Variants in OR51I1 observed in about 807,000 individuals in gnomAD.
OR51I1 encodes the protein olfactory receptor family 51 subfamily I member 1, also known as olfactory receptor 51I1.
OR51I1 carries 5 observed loss-of-function variants against 6.9 expected under a neutral mutation model. The ratio of observed to expected loss-of-function variants is 0.73; its 90% CI spans 0.38 to 1.52. The LOEUF is 1.52. Ranked by LOEUF, OR51I1 falls within the 40% of genes most tolerant of loss-of-function variation. The pLI, the probability that OR51I1 is intolerant of heterozygous loss-of-function variation, is 0.03. For missense variants in OR51I1, 465 were observed against 388.5 expected, an observed-to-expected ratio of 1.20 and a Z score of -1.66; for synonymous variants, 183 against 140.3, an observed-to-expected ratio of 1.30 and a Z score of -2.15.
Position 5,440,891 on chromosome 11 carries a change from G to C in OR51I1, c.624C>G (p.Thr208=), listed in dbSNP as rs148879846. Residue 208 remains threonine, a synonymous_variant, in exon 1 of 1, where the codon ACC becomes ACG. Transcript: ENST00000380211. ...NIYGLLVIIF[T]YGMDSTFILL... ...GGATGAAAGTTGAGTCCATACCATAGGTAAAAATGATCACCAAGAGCCCAT... is the reference window on the plus strand; with the variant it reads ...GGATGAAAGTTGAGTCCATACCATACGTAAAAATGATCACCAAGAGCCCAT... 1.1e-5 allele frequency: 17 copies of C among 1,613,576 alleles called. No homozygotes were observed. The African/African-American group carries it at 2.3e-4, about 22-fold the overall frequency.
In OR51I1 at chr11:5,440,784, A is replaced by C; in HGVS notation, c.731T>G (p.Met244Arg). 6.2e-7 allele frequency: 1 copy of C among 1,613,980 alleles called. No homozygotes were observed. Among genetic ancestry groups the C allele is most frequent in the East Asian group, 2.2e-5 (1 of 44,874 alleles). The change falls in exon 1 of 1, where the codon ATG becomes AGG. Residue 244 changes from methionine (M) to arginine (R), a missense_variant. Met to Arg is a moderately conservative substitution (Grantham distance 91). Coordinates refer to ENST00000380211, the MANE Select transcript of OR51I1 (RefSeq NM_001005288.3). ...GGCCAGCACTGCACAGATGTGTGAC[A>C]TGCAGGTGTTGAGTGCCTTGAGCCG... The part of the protein sequence containing the change: ...EQRLKALNTC[M>R]SHICAVLAFY...
rs199867361 is a variant in OR51I1 at position 5,440,634 on chromosome 11, T to C, written c.881A>G (p.Tyr294Cys). ...FVPPMLNPII[Y>C]SVKTKEIRKG... is the part of the protein sequence containing the mutation. Reference sequence around the variant, plus strand: ...GCGGATCTCCTTGGTTTTCACACTGTAGATGATAGGGTTGAGCATGGGTGG... The same window carrying C: ...GCGGATCTCCTTGGTTTTCACACTGCAGATGATAGGGTTGAGCATGGGTGG... Residue 294 changes from tyrosine to cysteine, a missense_variant, in exon 1 of 1, where the codon TAC becomes TGC. Transcript: ENST00000380211. 13 of 1,613,854 alleles carry C rather than the reference T, an allele frequency of 8.1e-6. No homozygotes were observed. The highest frequency in any genetic ancestry group is 7.7e-5 in the South Asian group (7 of 91,086).
At position 5,441,082 on chromosome 11, in the gene OR51I1, C is replaced by T. The variant is rs1482659268; in HGVS notation, c.433G>A (p.Ala145Thr). The change falls in exon 1 of 1, where the codon GCT (alanine) becomes ACT (threonine). Residue 145 changes from alanine to threonine, a missense_variant. Ala to Thr is a moderately conservative substitution (Grantham distance 58). Transcript: ENST00000380211. ...TTGGTAAGGATGCCCAGACCCATAGCCAATATACGGTTGTGAGTGAGCACA... is the reference window on the plus strand; with the variant it reads ...TTGGTAAGGATGCCCAGACCCATAGTCAATATACGGTTGTGAGTGAGCACA... ...VTVLTHNRIL[A>T]MGLGILTKSF... 6.2e-7 allele frequency: 1 copy of T among 1,613,974 alleles called. No individual in the cohort carries two copies. Among genetic ancestry groups the T allele is most frequent in the South Asian group, 1.1e-5 (1 of 91,078 alleles).
At position 5,441,331 on chromosome 11, in the gene OR51I1, A is replaced by G. The variant is rs2133776530; in HGVS notation, c.184T>C (p.Tyr62His). 2 of 1,614,002 alleles carry G rather than the reference A, an allele frequency of 1.2e-6. No individual in the cohort carries two copies. The highest frequency in any genetic ancestry group is 1.7e-6 in the Non-Finnish European group (2 of 1,179,910). Residue 62 changes from tyrosine (Y) to histidine (H), a missense_variant, in exon 1 of 1, where the codon TAC becomes CAC. Physicochemically the swap from Tyr to His is moderately conservative, Grantham distance 83. Coordinates refer to ENST00000380211, the MANE Select transcript of OR51I1 (RefSeq NM_001005288.3). ...FWEPALHQPM[Y>H]YFLSMLALND... ...AGAGCGAGCATAGAGAGGAAGTAGTACATGGGCTGATGCAGAGCAGGCTCC... is the reference window on the plus strand; with the variant it reads ...AGAGCGAGCATAGAGAGGAAGTAGTGCATGGGCTGATGCAGAGCAGGCTCC...
rs372998267 is a variant in OR51I1, at chr11:5,441,214, C to T, written c.301G>A (p.Val101Ile). The T allele has an allele frequency of 1.3e-5, 21 of 1,613,786 alleles. No homozygotes were observed. Among genetic ancestry groups the T allele is most frequent in the Non-Finnish European group, 1.7e-5 (20 of 1,179,944 alleles). ...YNHVAFNACL[V>I]QMFFIHTFSF... ...AAAGTGTGGATGAAGAACATCTGGA[C>T]CAGGCAAGCATTAAACGCAACATGG... is the stretch of plus-strand genomic sequence containing the variant. The change falls in exon 1 of 1, where the codon GTC becomes ATC. Residue 101 changes from valine (V) to isoleucine (I), a missense_variant. Transcript: ENST00000380211.
chr11:5,440,831 C>A lies in OR51I1; in HGVS notation c.684G>T (p.Leu228=), dbSNP rs377131100. ...GCCGCTGTTCCTGGGATATGATGACCAGCATGGCTCTCAGGATCAATGCGT... is the reference window on the plus strand; with the variant it reads ...GCCGCTGTTCCTGGGATATGATGACAAGCATGGCTCTCAGGATCAATGCGT... The part of the protein sequence containing the change: ...LSYALILRAM[L]VIISQEQRLK... The change falls in exon 1 of 1, where the codon CTG becomes CTT. Residue 228 remains leucine (L), a synonymous_variant. Transcript: ENST00000380211. The A allele has an allele frequency of 1.9e-5, 31 of 1,613,634 alleles. No individual in the cohort carries two copies. Among genetic ancestry groups the A allele is most frequent in the Non-Finnish European group, 2.6e-5 (31 of 1,179,914 alleles).
Position 5,441,213 on chromosome 11 carries a change from AC to A in OR51I1, c.301del (p.Val101SerfsTer20), listed in dbSNP as rs1850683686. The A allele has an allele frequency of 6.2e-7, 1 of 1,613,904 alleles. No individual in the cohort carries two copies. Among genetic ancestry groups the A allele is most frequent in the Non-Finnish European group, 8.5e-7 (1 of 1,179,964 alleles). On this transcript the variant is annotated frameshift_variant, in exon 1 of 1. Coordinates refer to ENST00000380211, the MANE Select transcript of OR51I1 (RefSeq NM_001005288.3). LOFTEE classifies it high-confidence loss of function. ...GAAAGTGTGGATGAAGAACATCTGGACCAGGCAAGCATTAAACGCAACATGG... is the reference window on the plus strand; with the variant it reads ...GAAAGTGTGGATGAAGAACATCTGGACAGGCAAGCATTAAACGCAACATGG... ...YNHVAFNACL[V>X]QMFFIHTFSF...
Position 5,440,834 on chromosome 11 carries a change from C to G in OR51I1, c.681G>C (p.Met227Ile). 1.9e-6 allele frequency: 3 copies of G among 1,613,784 alleles called. No individual in the cohort carries two copies. The highest frequency in any genetic ancestry group is 2.5e-6 in the Non-Finnish European group (3 of 1,179,900). Residue 227 changes from methionine (M) to isoleucine (I), a missense_variant, in exon 1 of 1, where the codon ATG (methionine) becomes ATC (isoleucine). By Grantham distance (10) the Met-to-Ile change is conservative. Transcript: ENST00000380211. ...GCTGTTCCTGGGATATGATGACCAGCATGGCTCTCAGGATCAATGCGTAGG... is the reference window on the plus strand; with the variant it reads ...GCTGTTCCTGGGATATGATGACCAGGATGGCTCTCAGGATCAATGCGTAGG... ...LLSYALILRA[M>I]LVIISQEQRL... is the part of the protein sequence containing the mutation.
rs762218833 is a variant in OR51I1 at position 5,441,148 on chromosome 11, C to G, written c.367G>C (p.Asp123His). 1.2e-6 allele frequency: 2 copies of G among 1,613,966 alleles called. No individual in the cohort carries two copies. The highest frequency in any genetic ancestry group is 2.2e-5 in the South Asian group (2 of 91,080). Reference sequence around the variant, plus strand: ...GGATAACAAATAGCCACAAAGCGATCCAAGCTCATGGCCAGCAGTATGCCT... The same window carrying G: ...GGATAACAAATAGCCACAAAGCGATGCAAGCTCATGGCCAGCAGTATGCCT... ...ESGILLAMSL[D>H]RFVAICYPLR... The change falls in exon 1 of 1, where the codon GAT (aspartate) becomes CAT (histidine). Residue 123 changes from aspartate to histidine, a missense_variant. Transcript: ENST00000380211.
Position 5,440,775 on chromosome 11 carries a change from A to G in OR51I1, c.740T>C (p.Ile247Thr), listed in dbSNP as rs752323523. The change falls in exon 1 of 1, where the codon ATC (isoleucine) becomes ACC (threonine). Residue 247 changes from isoleucine (I) to threonine (T), a missense_variant. By Grantham distance (89) the Ile-to-Thr change is moderately conservative. Transcript: ENST00000380211. ...LKALNTCMSHICAVLAFYVPI... is the reference protein window; with the variant it reads ...LKALNTCMSHTCAVLAFYVPI... ...CACATAAAAGGCCAGCACTGCACAG[A>G]TGTGTGACATGCAGGTGTTGAGTGC... The G allele has an allele frequency of 1.8e-5, 29 of 1,613,846 alleles. No individual in the cohort carries two copies. Among genetic ancestry groups the G allele is most frequent in the Non-Finnish European group, 2.4e-5 (28 of 1,179,962 alleles).
In OR51I1 at chr11:5,441,065, G is replaced by A. The variant is rs1228012308; in HGVS notation, c.450C>T (p.Ile150=). ...HNRILAMGLG[I]LTKSFTTLFP... is the part of the protein sequence containing the mutation. ...AGAGAGTGGTGAAACTCTTGGTAAG[G>A]ATGCCCAGACCCATAGCCAATATAC... Residue 150 remains isoleucine, a synonymous_variant, in exon 1 of 1, where the codon ATC becomes ATT. Coordinates refer to ENST00000380211, the MANE Select transcript of OR51I1 (RefSeq NM_001005288.3). 13 of 1,613,944 alleles carry A rather than the reference G, an allele frequency of 8.1e-6. No individual in the cohort carries two copies. Among genetic ancestry groups the A allele is most frequent in the Non-Finnish European group, 9.3e-6 (11 of 1,179,920 alleles).
chr11:5,440,998 C>A lies in OR51I1; in HGVS notation c.517G>T (p.Gly173Cys). ...FVVKRLPFCK[G>C]NVLHHSYCLH... ...CAGTAGGAGTGATGCAAAACATTGC[C>A]TTTGCAGAAGGGCAGTCGTTTCACC... The change falls in exon 1 of 1, where the codon GGC becomes TGC. Residue 173 changes from glycine (G) to cysteine (C), a missense_variant. Transcript: ENST00000380211. The A allele has an allele frequency of 1.2e-6, 2 of 1,613,954 alleles. No homozygotes were observed. Among genetic ancestry groups the A allele is most frequent in the Non-Finnish European group, 1.7e-6 (2 of 1,179,938 alleles).
rs267602954 is a variant in OR51I1, at chr11:5,440,617, C to T, written c.898G>A (p.Glu300Lys). The T allele has an allele frequency of 6.2e-7, 1 of 1,613,748 alleles. No individual in the cohort carries two copies. The highest frequency in any genetic ancestry group is 1.1e-5 in the South Asian group (1 of 91,058). Residue 300 changes from glutamate to lysine, a missense_variant, in exon 1 of 1, where the codon GAG (glutamate) becomes AAG (lysine). Physicochemically the swap from Glu to Lys is moderately conservative, Grantham distance 56. Coordinates refer to ENST00000380211, the MANE Select transcript of OR51I1 (RefSeq NM_001005288.3). Reference protein sequence around the residue: ...NPIIYSVKTKEIRKGILKFFH... With the variant: ...NPIIYSVKTKKIRKGILKFFH... ...AACTTGAGAATCCCTTTGCGGATCT[C>T]CTTGGTTTTCACACTGTAGATGATA...
Position 5,441,192 on chromosome 11 carries a change from G to T in OR51I1, c.323C>A (p.Thr108Asn), listed in dbSNP as rs569030211. The T allele has an allele frequency of 6.2e-7, 1 of 1,614,004 alleles. No individual in the cohort carries two copies. The highest frequency in any genetic ancestry group is 8.5e-7 in the Non-Finnish European group (1 of 1,179,944). Residue 108 changes from threonine (T) to asparagine (N), a missense_variant, in exon 1 of 1, where the codon ACT becomes AAT. Thr to Asn is a moderately conservative substitution (Grantham distance 65). Coordinates refer to ENST00000380211, the MANE Select transcript of OR51I1 (RefSeq NM_001005288.3). ...TATGCCTGACTCCATGAAGGAGAAA[G>T]TGTGGATGAAGAACATCTGGACCAG... ...ACLVQMFFIH[T>N]FSFMESGILL...
chr11:5,440,663 A>T lies in OR51I1; in HGVS notation c.852T>A (p.Phe284Leu). ...TGATAGGGTTGAGCATGGGTGGTAC[A>T]AACAGGTAGACATTGGACATCATGA... ...VHVMMSNVYL[F>L]VPPMLNPIIY... Residue 284 changes from phenylalanine (F) to leucine (L), a missense_variant, in exon 1 of 1, where the codon TTT (phenylalanine) becomes TTA (leucine). By Grantham distance (22) the Phe-to-Leu change is conservative. Coordinates refer to ENST00000380211, the MANE Select transcript of OR51I1 (RefSeq NM_001005288.3). The T allele has an allele frequency of 1.2e-6, 2 of 1,613,944 alleles. No homozygotes were observed. The highest frequency in any genetic ancestry group is 1.7e-6 in the Non-Finnish European group (2 of 1,179,876).
Position 5,441,359 on chromosome 11 carries a change from A to G in OR51I1, c.156T>C (p.Phe52=). The G allele has an allele frequency of 1.2e-6, 2 of 1,613,994 alleles. No individual in the cohort carries two copies. The highest frequency in any genetic ancestry group is 1.7e-6 in the Non-Finnish European group (2 of 1,179,914). Residue 52 remains phenylalanine, a synonymous_variant, in exon 1 of 1, where the codon TTT becomes TTC. Coordinates refer to ENST00000380211, the MANE Select transcript of OR51I1 (RefSeq NM_001005288.3). ...TGGGCTGATGCAGAGCAGGCTCCCA[A>G]AACACCAGAGTGAGAATGCTGAGGT... ...VGNLSILTLV[F]WEPALHQPMY...
In OR51I1 at chr11:5,441,470, C is replaced by A. The variant is rs769210342; in HGVS notation, c.45G>T (p.Gln15His). The A allele has an allele frequency of 1.2e-6, 2 of 1,613,408 alleles. No individual in the cohort carries two copies. Among genetic ancestry groups the A allele is most frequent in the South Asian group, 2.2e-5 (2 of 91,078 alleles). ...NGTPFQPATLQLTGIPGIQTG... is the reference protein window; with the variant it reads ...NGTPFQPATLHLTGIPGIQTG... ...TTTGTATCCCAGGAATGCCTGTCAGCTGGAGTGTTGCTGGCTGGAAGGGGG... is the reference window on the plus strand; with the variant it reads ...TTTGTATCCCAGGAATGCCTGTCAGATGGAGTGTTGCTGGCTGGAAGGGGG... The change falls in exon 1 of 1, where the codon CAG becomes CAT. Residue 15 changes from glutamine (Q) to histidine (H), a missense_variant. Physicochemically the swap from Gln to His is conservative, Grantham distance 24. Transcript: ENST00000380211.
Position 5,441,030 on chromosome 11 carries a change from G to A in OR51I1, c.485C>T (p.Pro162Leu), listed in dbSNP as rs754565456. Residue 162 changes from proline (P) to leucine (L), a missense_variant, in exon 1 of 1, where the codon CCT becomes CTT. Pro to Leu is a moderately conservative substitution (Grantham distance 98). Transcript: ENST00000380211. ...TKSFTTLFPFPFVVKRLPFCK... is the reference protein window; with the variant it reads ...TKSFTTLFPFLFVVKRLPFCK... ...GAAGGGCAGTCGTTTCACCACAAAA[G>A]GGAAAGGGAAGAGAGTGGTGAAACT... The A allele has an allele frequency of 1.2e-5, 19 of 1,613,796 alleles. No individual in the cohort carries two copies. The highest frequency in any genetic ancestry group is 1.6e-4 in the Middle Eastern group (1 of 6,082).
At position 5,441,097 on chromosome 11, in the gene OR51I1, G is replaced by A; in HGVS notation, c.418C>T (p.His140Tyr). ...YPLRYVTVLT[H>Y]NRILAMGLGI... Reference sequence around the variant, plus strand: ...AGACCCATAGCCAATATACGGTTGTGAGTGAGCACAGTGACATAGCGTAAT... The same window carrying A: ...AGACCCATAGCCAATATACGGTTGTAAGTGAGCACAGTGACATAGCGTAAT... The change falls in exon 1 of 1, where the codon CAC becomes TAC. Residue 140 changes from histidine (H) to tyrosine (Y), a missense_variant. By Grantham distance (83) the His-to-Tyr change is moderately conservative. Coordinates refer to ENST00000380211, the MANE Select transcript of OR51I1 (RefSeq NM_001005288.3). 1 of 1,614,014 alleles carries A rather than the reference G, an allele frequency of 6.2e-7. No individual in the cohort carries two copies. Among genetic ancestry groups the A allele is most frequent in the Non-Finnish European group, 8.5e-7 (1 of 1,179,962 alleles).
Sources: allele counts gnomAD v4.1 joint callset, GRCh38; gene constraint gnomAD v4.1.1; transcripts MANE v1.5; gene names NCBI Gene and HGNC (gene_info 2026-07-23, HGNC 2026-07-21).